KDM4C: variants seen among roughly 807,000 people sequenced by gnomAD.
The protein encoded by KDM4C is lysine demethylase 4C, also known as lysine-specific demethylase 4C.
A neutral mutation model predicts 129.3 loss-of-function variants in KDM4C; 81 were observed. That is an observed-to-expected ratio of 0.63 (90% CI 0.52 to 0.75). The LOEUF is 0.75. KDM4C is among the 30% of genes least tolerant of loss of function. KDM4C has a pLI of 0.00. For missense variants in KDM4C, 1,457 were observed against 1,304.0 expected (o/e 1.12, Z -1.81); for synonymous variants, 573 against 456.1 (o/e 1.26, Z -3.26).
At chr9:6,862,239 G>GA (rs1286611674) in intron 5 of KDM4C, among the ~76,000 whole-genome samples, 3 of 152,122 alleles carry the variant, frequency 2.0e-5, no homozygotes, top group Non-Finnish European at 2.9e-5. Context: ...AATTAGTTGG[G>GA]TTGCCTTTGT....
chr9:7,015,809 G>A (rs1291972382), intron 14 of KDM4C, 44 bp from the exon 15 acceptor site: 2 of 1,318,482 alleles, frequency 1.5e-6, no homozygotes, highest in Admixed American at 3.4e-5. Flanking sequence ...ATATTTTAAA[G>A]GTGAAAAAGA....
At chr9:6,963,798 A>G (rs1029602270) in intron 8 of KDM4C, among the ~76,000 whole-genome samples, 12 of 152,252 alleles carry the variant, frequency 7.9e-5, no homozygotes, top group Middle Eastern at 3.4e-3. Context: ...CCTAACAGCT[A>G]CCTATATGTT....
chr9:6,795,059 C>G (rs1046883459), intron 2 of KDM4C, among the ~76,000 whole-genome samples: 7 of 152,140 alleles, frequency 4.6e-5, no homozygotes, highest in African/African-American at 1.4e-4. Flanking sequence ...TTGTCAATAT[C>G]ACTGCATAAA....
At chr9:6,834,243 C>A (rs971029473) in intron 4 of KDM4C, among the ~76,000 whole-genome samples, 1 of 151,934 alleles carries the variant, frequency 6.6e-6, no homozygotes, top group African/African-American at 2.4e-5. Flanking sequence ...GCCATGTTGC[C>A]CAGGCTGATT....
chr9:6,747,003 CAAAAAAAAAAAAAAAA>C (rs58512756), intron 1 of KDM4C, among the ~76,000 whole-genome samples: 1 of 50,554 alleles, frequency 2.0e-5, no homozygotes, highest in Admixed American at 2.7e-4. Context: ...GACTCCGTCT[CAAAAAAAAAAAAAAAA>C]AAAAAAAAAA....
At chr9:6,802,121 G>T (rs867377590) in intron 2 of KDM4C, among the ~76,000 whole-genome samples, 1 of 144,942 alleles carries the variant, frequency 6.9e-6, no homozygotes, top group South Asian at 2.2e-4. Context: ...AAAAAAAAAA[G>T]TATCAGTAAG....
At chr9:6,773,797 T>A (rs1461042221) in intron 1 of KDM4C, among the ~76,000 whole-genome samples, 2 of 151,028 alleles carry the variant, frequency 1.3e-5, no homozygotes, top group Non-Finnish European at 3.0e-5. Flanking sequence ...GTATAGGTAT[T>A]GTAGATGTGT....
chr9:6,738,135 A>AAAACTAAGCTAAACTAAACTAAACT (rs1398432268), intron 1 of KDM4C, among the ~76,000 whole-genome samples: 43 of 142,302 alleles, frequency 3.0e-4, no homozygotes, highest in African/African-American at 1.1e-3. Flanking sequence ...CTCCCTCTCA[A>AAAACTAAGCTAAACTAAACTAAACT]AAACTAAACT....
Position 6,962,470 on chromosome 9 carries a change from C to G in KDM4C, c.922-18455C>G, listed in dbSNP as rs183187340. 2.6e-5 allele frequency among the ~76,000 whole-genome samples: 4 copies of G among 152,226 alleles called. No individual in the cohort carries two copies. The East Asian group carries it at 7.7e-4, about 29-fold the overall frequency. On this transcript the variant is annotated intron_variant, in intron 8 of 21. Transcript: ENST00000381309. ...ATCACATAATCAGACCGTATGAAGT[C>G]AACACTTTATGGTTTCATTTTTAAA...
intron 19 of KDM4C, among the ~76,000 whole-genome samples, chr9:7,155,664 A>G (rs1210742714): frequency 4.6e-5 from 7 of 152,168 alleles, no homozygotes; most frequent in Admixed American, 3.3e-4. Flanking sequence ...AGCTTCATCC[A>G]TGTCCCTTCA....
At position 6,977,563 on chromosome 9, in the gene KDM4C, C is replaced by T. The variant is rs989849620; in HGVS notation, c.922-3362C>T. ...TGGAGAATGAAGAAGTCACATAAGT[C>T]GAACCCCTGCCTCCATCTTATTTTA... On this transcript the variant is annotated intron_variant, in intron 8 of 21. Coordinates refer to ENST00000381309, the MANE Select transcript of KDM4C (RefSeq NM_015061.6). 4.6e-5 allele frequency among the ~76,000 whole-genome samples: 7 copies of T among 152,230 alleles called. No homozygotes were observed. The East Asian group carries it at 7.7e-4, about 17-fold the overall frequency.
chr9:7,004,034 C>G (rs1821214314), intron 12 of KDM4C, among the ~76,000 whole-genome samples: 1 of 152,118 alleles, frequency 6.6e-6, no homozygotes, highest in Non-Finnish European at 1.5e-5. Context: ...GAGAATGGTG[C>G]TGTACCAGCC....
chr9:6,839,870 T>G (rs567236046), intron 4 of KDM4C, among the ~76,000 whole-genome samples: 46 of 152,134 alleles, frequency 3.0e-4, no homozygotes, highest in Non-Finnish European at 6.3e-4. Flanking sequence ...GTCACTGCAC[T>G]GCAGCCTGGG....
Position 6,893,135 on chromosome 9 carries a change from A to C in KDM4C, c.824A>C (p.Tyr275Ser). The C allele has an allele frequency of 6.3e-7, 1 of 1,599,738 alleles. No individual in the cohort carries two copies. Among genetic ancestry groups the C allele is most frequent in the Non-Finnish European group, 8.5e-7 (1 of 1,172,482 alleles). ...GGAGAATTCATGATCACTTTCCCAT[A>C]TGGCTACCATGCTGGTTTTAATCAT... ...EAGEFMITFP[Y>S]GYHAGFNHGF... The change falls in exon 8 of 22, where the codon TAT (tyrosine) becomes TCT (serine). Residue 275 changes from tyrosine (Y) to serine (S), a missense_variant. Transcript: ENST00000381309.
rs201490363 is a variant in KDM4C at position 7,158,470 on chromosome 9, T to A, written c.2782-6768T>A. On this transcript the variant is annotated intron_variant, in intron 19 of 21. Coordinates refer to ENST00000381309, the MANE Select transcript of KDM4C (RefSeq NM_015061.6). The stretch of plus-strand genomic sequence containing the variant: ...TTTTTAGATCTTTCCTGCTTTCTCT[T>A]GTGGGCATTTAGTGCTATAAATTAC... 2.6e-5 allele frequency among the ~76,000 whole-genome samples: 4 copies of A among 152,346 alleles called. No homozygotes were observed. In the East Asian group the frequency reaches 7.7e-4, roughly 29 times the overall value.
rs568751313 is a variant in KDM4C at position 6,783,485 on chromosome 9, C to T, written c.-17-9487C>T. On this transcript the variant is annotated intron_variant, in intron 1 of 21. Coordinates refer to ENST00000381309, the MANE Select transcript of KDM4C (RefSeq NM_015061.6). ...AGAGAGAGGCCCATGTAGCATTTTTCCGAGGTGTATTGGGAAGGACAGTTG... is the reference window on the plus strand; with the variant it reads ...AGAGAGAGGCCCATGTAGCATTTTTTCGAGGTGTATTGGGAAGGACAGTTG... 8.5e-5 allele frequency among the ~76,000 whole-genome samples: 13 copies of T among 152,208 alleles called. No individual in the cohort carries two copies. In the South Asian group the frequency reaches 1.9e-3, roughly 22 times the overall value.
At chr9:6,743,908 C>G (rs1399338791) in intron 1 of KDM4C, among the ~76,000 whole-genome samples, 1 of 145,890 alleles carries the variant, frequency 6.9e-6, no homozygotes, top group East Asian at 2.0e-4. Flanking sequence ...AATGTGAAAT[C>G]CTCTCCAATT....
intron 8 of KDM4C, among the ~76,000 whole-genome samples, chr9:6,908,930 C>T (rs1818800380): frequency 6.6e-6 from 1 of 152,078 alleles, no homozygotes; most frequent in Non-Finnish European, 1.5e-5. Flanking sequence ...ATGTAATAAA[C>T]ATTTTTCTTT....
chr9:6,829,533 A>G (rs1274663663), intron 4 of KDM4C, among the ~76,000 whole-genome samples: 1 of 152,252 alleles, frequency 6.6e-6, no homozygotes, highest in Non-Finnish European at 1.5e-5. Flanking sequence ...CATCTGGTAT[A>G]ATAGTCAACA....
Sources: allele counts gnomAD v4.1 joint callset (sites outside exome capture counted in the v4.1 genomes callset), GRCh38; gene constraint gnomAD v4.1.1; transcripts MANE v1.5; gene names NCBI Gene and HGNC (gene_info 2026-07-23, HGNC 2026-07-21).